The following INTS1 variants were observed in gnomAD, a reference collection of about 807,000 sequenced individuals.
INTS1 encodes the protein integrator complex subunit 1.
Under a neutral mutation model 241.6 loss-of-function variants are expected in INTS1, and 137 were observed. The ratio of observed to expected loss-of-function variants is 0.57; its 90% confidence interval spans 0.49 to 0.65. The LOEUF is 0.65. Among genes scored for constraint, INTS1 ranks in the 30% least tolerant of loss-of-function variants. The pLI is 0.00. For missense variants in INTS1, 3,073 were observed against 3,032.2 expected (o/e 1.01, Z -0.32); for synonymous variants, 1,692 against 1,337.8 (o/e 1.26, Z -5.78).
In INTS1 at chr7:1,503,067, C is replaced by A; in HGVS notation, c.183G>T (p.Ala61=). 1 of 1,613,122 alleles carries A rather than the reference C, an allele frequency of 6.2e-7. No individual in the cohort carries two copies. The highest frequency in any genetic ancestry group is 8.5e-7 in the Non-Finnish European group (1 of 1,179,468). ...SGLPSERKRD[A]AAALSSASAL... The stretch of plus-strand genomic sequence containing the variant: ...CCGAGGCACTGGACAACGCGGCCGC[C>A]GCATCCCGCTTGCGCTCAGAAGGCA... The change falls in exon 3 of 48, where the codon GCG becomes GCT. Residue 61 remains alanine, a synonymous_variant. Transcript: ENST00000404767.
Position 1,478,890 on chromosome 7 carries a change from G to T in INTS1, c.4330-5C>A. 1 of 1,595,670 alleles carries T rather than the reference G, an allele frequency of 6.3e-7. No individual in the cohort carries two copies. Among genetic ancestry groups the T allele is most frequent in the East Asian group, 2.3e-5 (1 of 44,292 alleles). On this transcript the variant is annotated splice_region_variant and splice_polypyrimidine_tract_variant and intron_variant, in intron 31 of 47. Coordinates refer to ENST00000404767, the MANE Select transcript of INTS1 (RefSeq NM_001080453.3). ...GGTGTCCTGTGGCACACAGCGCTGC[G>T]GGGACAAAGTGGCACGTGGCTACCC...
chr7:1,479,241 C>T (rs1272052372), intron 31 of INTS1, among the ~76,000 whole-genome samples, 189 bp downstream of exon 31: 1 of 152,262 alleles, frequency 6.6e-6, no homozygotes, highest in Non-Finnish European at 1.5e-5. Flanking sequence ...ACTGCCCCCA[C>T]CTCCCGTCCC....
chr7:1,498,778 G>A lies in INTS1; in HGVS notation c.1212C>T (p.Asp404=), dbSNP rs370134679. 1.4e-4 allele frequency: 228 copies of A among 1,592,558 alleles called. 3 individuals carry two copies. The African/African-American group carries it at 1.9e-3, about 13-fold the overall frequency. ...GGATCTTGATCAGGTGTGAGATGAC[G>A]TCCATGTCTTCGGAACCGTGCGTGT... ...NCNTHGSEDM[D]VISHLIKIRL... Residue 404 remains aspartate, a synonymous_variant, in exon 9 of 48, where the codon GAC becomes GAT. Transcript: ENST00000404767.
chr7:1,497,738 C>T lies in INTS1; in HGVS notation c.1426-424G>A, dbSNP rs1383739635. On this transcript the variant is annotated intron_variant, in intron 10 of 47. Transcript: ENST00000404767. The surrounding 1 kb of genome is among the most constrained non-coding windows in gnomAD (Gnocchi z 5.3). ...AATGCCAGGCCGCGAAGACTGAACG[C>T]GGAGCTGAGAGCGGCTGTGCCTCCC... is the stretch of plus-strand genomic sequence containing the variant. Among the ~76,000 whole-genome samples, 4 of 152,230 alleles carry T rather than the reference C, an allele frequency of 2.6e-5. No homozygotes were observed. In the South Asian group the frequency reaches 8.3e-4, roughly 31 times the overall value.
At chr7:1,482,504 C>A in intron 27 of INTS1, 42 bp downstream of exon 27, 1 of 1,560,252 alleles carries the variant, frequency 6.4e-7, no homozygotes, top group East Asian at 2.3e-5. Context: ...GCCCGGGACC[C>A]CTGAGTCAGC....
At chr7:1,474,126 G>T (rs761210367) in intron 41 of INTS1, 42 bp downstream of exon 41, 17 of 1,523,620 alleles carry the variant, frequency 1.1e-5, no homozygotes, top group Non-Finnish European at 1.3e-5. Context: ...CAGAGCAGAG[G>T]GAGTGGAAGG....
Position 1,494,000 on chromosome 7 carries a change from G to C in INTS1, c.1911-89C>G. ...AGGACAGGCCAGCTTCTCCCTCAGAGCCCACGGGCTGGTGGCAGAGGGCTG... is the reference window on the plus strand; with the variant it reads ...AGGACAGGCCAGCTTCTCCCTCAGACCCCACGGGCTGGTGGCAGAGGGCTG... On this transcript the variant is annotated intron_variant, in intron 14 of 47. Coordinates refer to ENST00000404767, the MANE Select transcript of INTS1 (RefSeq NM_001080453.3). This position sits in a 1 kb window ranked among gnomAD's most constrained non-coding sequence, Gnocchi z 5.3. 6.9e-7 allele frequency: 1 copy of C among 1,439,454 alleles called. No individual in the cohort carries two copies. 89.2% of individuals were successfully genotyped at this position (1,439,454 alleles called of 1,614,324 possible).
chr7:1,499,943 A>G lies in INTS1; in HGVS notation c.625T>C (p.Cys209Arg). 2 of 1,613,718 alleles carry G rather than the reference A, an allele frequency of 1.2e-6. No individual in the cohort carries two copies. Among genetic ancestry groups the G allele is most frequent in the Non-Finnish European group, 1.7e-6 (2 of 1,179,860 alleles). ...KGNSLVSVLA[C>R]NLLMAAYEED... Reference sequence around the variant, plus strand: ...TCGTAGGCGGCCATGAGGAGGTTACAGGCCAGCACAGACACCAGGCTGTTC... The same window carrying G: ...TCGTAGGCGGCCATGAGGAGGTTACGGGCCAGCACAGACACCAGGCTGTTC... The change falls in exon 5 of 48, where the codon TGT (cysteine) becomes CGT (arginine). Residue 209 changes from cysteine (C) to arginine (R), a missense_variant. Transcript: ENST00000404767.
At position 1,476,295 on chromosome 7, in the gene INTS1, C is replaced by A; in HGVS notation, c.5312G>T (p.Gly1771Val). 1 of 1,586,966 alleles carries A rather than the reference C, an allele frequency of 6.3e-7. No homozygotes were observed. ...RLPLLLSCCCGDDESVRKVTE... is the reference protein window; with the variant it reads ...RLPLLLSCCCVDDESVRKVTE... ...CACCTTCCTGACACTCTCATCGTCC[C>A]CACAGCAGCAGCTGAGCAGCAGGGG... is the stretch of plus-strand genomic sequence containing the variant. The change falls in exon 38 of 48, where the codon GGG becomes GTG. Residue 1771 changes from glycine to valine, a missense_variant. Coordinates refer to ENST00000404767, the MANE Select transcript of INTS1 (RefSeq NM_001080453.3).
rs1781731014 is a variant in INTS1 at position 1,476,536 on chromosome 7, C to CCTCTCCCGGATGGGCCACCCT, written c.5151+13_5151+33dup. 17 of 1,607,776 alleles carry CCTCTCCCGGATGGGCCACCCT rather than the reference C, an allele frequency of 1.1e-5. No individual in the cohort carries two copies. The East Asian group carries it at 3.8e-4, about 36-fold the overall frequency. ...ACCCCCTCTCCCGGATGGGCCACCC[C>CCTCTCCCGGATGGGCCACCCT]CTCTCCCGGATGGGCCACCCTCCCA... On this transcript the variant is annotated intron_variant, in intron 37 of 47. Coordinates refer to ENST00000404767, the MANE Select transcript of INTS1 (RefSeq NM_001080453.3).
rs1782017905 is a variant in INTS1 at position 1,481,911 on chromosome 7, G to A, written c.3704-423C>T. The stretch of plus-strand genomic sequence containing the variant: ...CCCAGGGGTGGGTGGGCGCTCCAGA[G>A]GGCCTATGGTGGCACGGCGCAGTAC... On this transcript the variant is annotated intron_variant, in intron 27 of 47. Transcript: ENST00000404767. The surrounding 1 kb of genome is among the most constrained non-coding windows in gnomAD (Gnocchi z 6.8). Among the ~76,000 whole-genome samples the A allele has an allele frequency of 6.6e-6, 1 of 152,152 alleles. No individual in the cohort carries two copies. The highest frequency in any genetic ancestry group is 6.5e-5 in the Admixed American group (1 of 15,276).
rs1334677097 is a variant in INTS1, at chr7:1,470,920, C to T, written c.6383G>A (p.Cys2128Tyr). The change falls in exon 47 of 48, where the codon TGC becomes TAC. Residue 2128 changes from cysteine (C) to tyrosine (Y), a missense_variant. Cys to Tyr is a radical substitution (Grantham distance 194). Coordinates refer to ENST00000404767, the MANE Select transcript of INTS1 (RefSeq NM_001080453.3). ...CACCTCAAAGTCCTGGCTGCCCAGGCAGTACATGAACGTGGGCAGGAAAGC... is the reference window on the plus strand; with the variant it reads ...CACCTCAAAGTCCTGGCTGCCCAGGTAGTACATGAACGTGGGCAGGAAAGC... ...AAAFLPTFMY[C>Y]LGSQDFEVVQ... 4 of 1,583,618 alleles carry T rather than the reference C, an allele frequency of 2.5e-6. No homozygotes were observed. Among genetic ancestry groups the T allele is most frequent in the Non-Finnish European group, 3.4e-6 (4 of 1,165,990 alleles).
At chr7:1,472,909 C>T (rs925168884) in intron 43 of INTS1, among the ~76,000 whole-genome samples, 163 bp downstream of exon 43, 2 of 152,184 alleles carry the variant, frequency 1.3e-5, no homozygotes, top group Middle Eastern at 3.2e-3. Flanking sequence ...GTCAGTGCTT[C>T]GTCCCCTTGA....
chr7:1,473,794 C>G (rs1781586154), intron 41 of INTS1, 101 bp from the exon 42 acceptor site: 2 of 1,442,592 alleles, frequency 1.4e-6, no homozygotes, highest in Non-Finnish European at 1.9e-6. Context: ...ATGGACCCCA[C>G]AGCCAACGAG....
chr7:1,476,997 C>CA, intron 35 of INTS1, 79 bp from the exon 36 acceptor site: 1 of 1,506,728 alleles, frequency 6.6e-7, no homozygotes, highest in South Asian at 1.2e-5. Flanking sequence ...ACAGCTTCCC[C>CA]AATGAGCCAC....
chr7:1,498,525 G>A lies in INTS1; in HGVS notation c.1312C>T (p.Leu438=). 6.2e-7 allele frequency: 1 copy of A among 1,613,840 alleles called. No individual in the cohort carries two copies. Among genetic ancestry groups the A allele is most frequent in the Non-Finnish European group, 8.5e-7 (1 of 1,179,858 alleles). ...ATCACCAACTTGATGGTGGTGCCCAGGTTGTCCTTGTGCGCGCTCAGCAGC... is the reference window on the plus strand; with the variant it reads ...ATCACCAACTTGATGGTGGTGCCCAAGTTGTCCTTGTGCGCGCTCAGCAGC... ...RELLSAHKDN[L]GTTIKLVIFN... is the part of the protein sequence containing the mutation. Residue 438 remains leucine (L), a synonymous_variant, in exon 10 of 48, where the codon CTG becomes TTG. Coordinates refer to ENST00000404767, the MANE Select transcript of INTS1 (RefSeq NM_001080453.3).
Position 1,487,118 on chromosome 7 carries a change from G to A in INTS1, c.2647-17C>T, listed in dbSNP as rs1412374636. 1 of 1,540,346 alleles carries A rather than the reference G, an allele frequency of 6.5e-7. No homozygotes were observed. Among genetic ancestry groups the A allele is most frequent in the Non-Finnish European group, 8.7e-7 (1 of 1,146,236 alleles). On this transcript the variant is annotated splice_polypyrimidine_tract_variant and intron_variant, in intron 20 of 47. Transcript: ENST00000404767. ...CGAGGAGGCCTGGGCAGGCGACAGT[G>A]GCGCCCGCTCAGCACCTTCCAGGCC...
chr7:1,500,375 G>A lies in INTS1; in HGVS notation c.350-9C>T, dbSNP rs1027066492. On this transcript the variant is annotated splice_polypyrimidine_tract_variant and intron_variant, in intron 3 of 47. Coordinates refer to ENST00000404767, the MANE Select transcript of INTS1 (RefSeq NM_001080453.3). ...CAGCACCGTGGGCAGCACTGGCCGG[G>A]GCAGGCGGTACGGTCAGAACGGGGC... The A allele has an allele frequency of 1.3e-6, 2 of 1,556,082 alleles. No homozygotes were observed. Among genetic ancestry groups the A allele is most frequent in the Non-Finnish European group, 1.7e-6 (2 of 1,148,722 alleles).
intron 12 of INTS1, among the ~76,000 whole-genome samples, 155 bp downstream of exon 12, chr7:1,496,001 A>G (rs1363959249): frequency 1.3e-5 from 2 of 152,104 alleles, no homozygotes; most frequent in African/African-American, 4.8e-5. Flanking sequence ...AGGAACGGGG[A>G]CGGCAGCTTC....
Sources: gnomAD v4.1 joint callset for allele counts (sites outside exome capture counted in the v4.1 genomes callset) on GRCh38, gnomAD v4.1.1 for gene constraint, Gnocchi (gnomAD v3.1) non-coding constraint, MANE v1.5 for transcripts, NCBI Gene and HGNC (gene_info 2026-07-23, HGNC 2026-07-21) for gene names.